RNF6: variants seen among roughly 807,000 people sequenced by gnomAD.
RNF6 encodes ring finger protein 6, also known as E3 ubiquitin-protein ligase RNF6.
A neutral mutation model predicts 50.1 loss-of-function variants in RNF6; 21 were observed. The ratio of observed to expected loss-of-function variants is 0.42; its 90% CI spans 0.30 to 0.60. The LOEUF (loss-of-function observed/expected upper bound fraction) is 0.60, where lower values mean the gene tolerates loss of function less well. RNF6 is among the 20% of genes least tolerant of loss of function. RNF6 has a pLI of 0.20. For synonymous variants in RNF6, 255 were observed against 291.8 expected (o/e 0.87, Z 1.29); for missense variants, 698 against 838.2 (o/e 0.83, Z 2.07).
intron 5 of RNF6, among the ~76,000 whole-genome samples, chr13:26,176,897 G>A (rs1233689316): frequency 6.6e-6 from 1 of 152,218 alleles, no homozygotes; most frequent in African/African-American, 2.4e-5. Flanking sequence ...TGGCGCGATT[G>A]CACTCCAGCC....
At chr13:26,177,516 A>T (rs1355278567) in intron 5 of RNF6, among the ~76,000 whole-genome samples, 2 of 152,030 alleles carry the variant, frequency 1.3e-5, no homozygotes, top group African/African-American at 4.8e-5. Flanking sequence ...TCAGTGGGAG[A>T]GCCTATCTAT....
chr13:26,218,114 C>A (rs1870085571), intron 4 of RNF6, among the ~76,000 whole-genome samples: 1 of 152,152 alleles, frequency 6.6e-6, no homozygotes, highest in African/African-American at 2.4e-5. Context: ...TATATGTAAA[C>A]CATCAAACAG....
At chr13:26,175,844 AT>A (rs376870616) in intron 5 of RNF6, among the ~76,000 whole-genome samples, 48 of 152,196 alleles carry the variant, frequency 3.2e-4, no homozygotes, top group African/African-American at 1.1e-3. Context: ...GAAATGCCTG[AT>A]TTTTTTATGA....
At position 26,133,559 on chromosome 13, in the gene RNF6, G is replaced by A. The variant is rs555061240; in HGVS notation, n.769-1108C>T. Among the ~76,000 whole-genome samples, 3 of 152,168 alleles carry A rather than the reference G, an allele frequency of 2.0e-5. No homozygotes were observed. In the South Asian group the frequency reaches 6.2e-4, roughly 32 times the overall value. On this transcript the variant is annotated intron_variant and non_coding_transcript_variant, in intron 5 of 5. Transcript: ENST00000468480. The stretch of plus-strand genomic sequence containing the variant: ...CAAATTGGGTAATTTCTATTGTTTT[G>A]TCTTTCAGTCCACTGATTCTTTCTT...
At chr13:26,149,954 A>G (rs1011587728) in intron 5 of RNF6, among the ~76,000 whole-genome samples, 1 of 133,494 alleles carries the variant, frequency 7.5e-6, no homozygotes. Flanking sequence ...TATAATGTGT[A>G]TATATATATA....
At chr13:26,188,249 A>G (rs964983801) in intron 5 of RNF6, among the ~76,000 whole-genome samples, 3 of 152,202 alleles carry the variant, frequency 2.0e-5, no homozygotes, top group Non-Finnish European at 2.9e-5. Flanking sequence ...GTTCACAAGG[A>G]CAGGTGAGAA....
At chr13:26,192,681 G>A (rs1350852466) in intron 5 of RNF6, among the ~76,000 whole-genome samples, 1 of 152,192 alleles carries the variant, frequency 6.6e-6, no homozygotes, top group Non-Finnish European at 1.5e-5. Flanking sequence ...AAGGAACTTA[G>A]GGTGGCCACT....
intron 5 of RNF6, among the ~76,000 whole-genome samples, chr13:26,184,016 A>ATTTT (rs1873382652): frequency 2.6e-5 from 1 of 38,570 alleles, no homozygotes; most frequent in African/African-American, 1.1e-4. Context: ...ATATATATAT[A>ATTTT]TATTTTTTTT....
intron 5 of RNF6, among the ~76,000 whole-genome samples, chr13:26,150,607 T>C (rs1043581885): frequency 6.6e-6 from 1 of 152,192 alleles, no homozygotes; most frequent in African/African-American, 2.4e-5. Flanking sequence ...TAGTAAGTCC[T>C]GTTAGTCTCT....
chr13:26,216,864 A>G (rs1284824245), intron 4 of RNF6, among the ~76,000 whole-genome samples: 2 of 152,194 alleles, frequency 1.3e-5, no homozygotes, highest in African/African-American at 4.8e-5. Flanking sequence ...CTGAGGCAGG[A>G]GAATTGCTTG....
At chr13:26,160,591 C>T (rs1872165033) in intron 5 of RNF6, among the ~76,000 whole-genome samples, 1 of 130,468 alleles carries the variant, frequency 7.7e-6, no homozygotes, top group Admixed American at 8.8e-5. Context: ...TTCATGTAAA[C>T]ACTATTTTGC....
chr13:26,169,338 G>A (rs568920948), intron 5 of RNF6, among the ~76,000 whole-genome samples: 8 of 152,154 alleles, frequency 5.3e-5, no homozygotes, highest in Non-Finnish European at 8.8e-5. Context: ...AGTAGGGAAA[G>A]ACGAAAGGGG....
chr13:26,221,470 T>A (rs1298201785), intron 1 of RNF6, 140 bp from the exon 2 acceptor site: 2 of 152,154 alleles, frequency 1.3e-5, no homozygotes, highest in Non-Finnish European at 2.9e-5. Context: ...GAAAATTAGA[T>A]CCCCATACAA....
chr13:26,178,775 A>G (rs1873096065), intron 5 of RNF6, among the ~76,000 whole-genome samples: 1 of 152,018 alleles, frequency 6.6e-6, no homozygotes, highest in Admixed American at 6.6e-5. Context: ...CCCCTTGACC[A>G]ATATCTCCCC....
chr13:26,213,731 T>C lies in RNF6; in HGVS notation c.*93A>G, dbSNP rs1869491358. 9.7e-7 allele frequency: 1 copy of C among 1,030,282 alleles called. No individual in the cohort carries two copies. Among genetic ancestry groups the C allele is most frequent in the Non-Finnish European group, 1.4e-6 (1 of 716,524 alleles). 63.8% of individuals were successfully genotyped at this position (1,030,282 alleles called of 1,614,324 possible). ...CAAACTATATATAATCTGTTATTTT[T>C]CATCCTGGTTAGCTAATCACAAATA... is the stretch of plus-strand genomic sequence containing the variant. On this transcript the variant is annotated 3_prime_UTR_variant, in exon 5 of 5. Transcript: ENST00000381588.
chr13:26,189,181 A>G (rs1190411054), intron 5 of RNF6, among the ~76,000 whole-genome samples: 1 of 152,096 alleles, frequency 6.6e-6, no homozygotes, highest in Non-Finnish European at 1.5e-5. Context: ...TACAAAAATT[A>G]GCTGGGTGTG....
At chr13:26,150,048 G>A (rs867066760) in intron 5 of RNF6, among the ~76,000 whole-genome samples, 1,312 of 84,090 alleles carry the variant, frequency 0.016, 60 homozygotes, top group African/African-American at 0.063. Context: ...TATATAATGT[G>A]TATATATATA....
intron 5 of RNF6, among the ~76,000 whole-genome samples, chr13:26,142,044 T>C (rs893206863): frequency 6.6e-6 from 1 of 151,802 alleles, no homozygotes; most frequent in African/African-American, 2.4e-5. Flanking sequence ...ATAACCCAAA[T>C]AACCCCATTA....
chr13:26,188,142 T>G (rs1303030750), intron 5 of RNF6, among the ~76,000 whole-genome samples: 1 of 152,196 alleles, frequency 6.6e-6, no homozygotes, highest in Non-Finnish European at 1.5e-5. Context: ...ACAACTGTCT[T>G]GTGGCTCATG....
Sources: gnomAD v4.1 joint callset for allele counts (sites outside exome capture counted in the v4.1 genomes callset) on GRCh38, gnomAD v4.1.1 for gene constraint, MANE v1.5 for transcripts, NCBI Gene and HGNC (gene_info 2026-07-23, HGNC 2026-07-21) for gene names.